Variants in PCDH9 observed in about 807,000 individuals in gnomAD.
PCDH9 encodes the protein protocadherin 9.
Under a neutral mutation model 70.6 loss-of-function variants are expected in PCDH9, and 24 were observed. That is an observed-to-expected ratio of 0.34 (90% CI 0.25 to 0.48). The LOEUF is 0.48. Among genes scored for constraint, PCDH9 ranks in the 20% least tolerant of loss-of-function variants. The pLI is 0.99. For synonymous variants in PCDH9, 562 were observed against 558.5 expected (o/e 1.01, Z -0.09); for missense variants, 1,281 against 1,503.6 (o/e 0.85, Z 2.45).
chr13:67,144,723 G>C (rs1258626747), intron 2 of PCDH9, among the ~76,000 whole-genome samples: 1 of 152,048 alleles, frequency 6.6e-6, no homozygotes, highest in African/African-American at 2.4e-5. Context: ...TCCACTTAAC[G>C]TTTTAAAGCT....
intron 4 of PCDH9, among the ~76,000 whole-genome samples, chr13:66,580,894 G>T (rs1411924749): frequency 6.6e-6 from 1 of 152,098 alleles, no homozygotes; most frequent in African/African-American, 2.4e-5. Flanking sequence ...GAAGATAGAA[G>T]TAACTATGAA....
In PCDH9 at chr13:66,877,350, C is replaced by A. The variant is rs1274860872; in HGVS notation, c.3138+26154G>T. Among the ~76,000 whole-genome samples the A allele has an allele frequency of 2.7e-5, 4 of 149,644 alleles. No homozygotes were observed. The South Asian group carries it at 8.4e-4, about 31-fold the overall frequency. ...TAAAATATATATATAATGTGACTAC[C>A]ATTGGATTACTTTCTCTCCTAGAAG... On this transcript the variant is annotated intron_variant, in intron 3 of 4. Transcript: ENST00000377865.
In PCDH9 at chr13:67,225,764, C is replaced by T. The variant is rs751978162; in HGVS notation, c.2677G>A (p.Asp893Asn). The change falls in exon 2 of 5, where the codon GAT becomes AAT. Residue 893 changes from aspartate (D) to asparagine (N), a missense_variant. Transcript: ENST00000377865. ...NFVTIEESKP[D>N]DAVHEPINGT... ...TTGATAGGTTCATGAACTGCATCAT[C>T]GGGTTTGGACTCTTCGATAGTAACA... 1.9e-6 allele frequency: 3 copies of T among 1,613,938 alleles called. No homozygotes were observed. The highest frequency in any genetic ancestry group is 1.3e-5 in the African/African-American group (1 of 74,928).
chr13:67,060,625 A>G (rs1459605083), intron 2 of PCDH9, among the ~76,000 whole-genome samples: 2 of 152,050 alleles, frequency 1.3e-5, no homozygotes, highest in Admixed American at 6.6e-5. Flanking sequence ...TCACCATATA[A>G]TAGAAATACG....
chr13:66,682,235 T>C (rs926042434), intron 3 of PCDH9, among the ~76,000 whole-genome samples: 10 of 152,052 alleles, frequency 6.6e-5, no homozygotes, highest in African/African-American at 9.7e-5. Context: ...TGTTTATGTA[T>C]TGTGGCCCTT....
chr13:66,486,393 G>C (rs1405573779), intron 4 of PCDH9, among the ~76,000 whole-genome samples: 1 of 152,028 alleles, frequency 6.6e-6, no homozygotes, highest in Non-Finnish European at 1.5e-5. Context: ...GGAGGTCAAG[G>C]CTTCGGTGAG....
chr13:66,795,714 C>T (rs2139328586), intron 3 of PCDH9, among the ~76,000 whole-genome samples: 1 of 152,182 alleles, frequency 6.6e-6, no homozygotes, highest in Non-Finnish European at 1.5e-5. Flanking sequence ...AAATGTTTTG[C>T]AAAGATGGTA....
chr13:66,375,468 T>G (rs573189466), intron 4 of PCDH9, among the ~76,000 whole-genome samples: 66 of 152,246 alleles, frequency 4.3e-4, no homozygotes, highest in Non-Finnish European at 7.9e-4. Flanking sequence ...CCATTCTCAA[T>G]CATTATAGGT....
chr13:66,779,873 A>ATATATATGTGTGTG (rs375882917), intron 3 of PCDH9, among the ~76,000 whole-genome samples: 9 of 115,878 alleles, frequency 7.8e-5, no homozygotes, highest in African/African-American at 2.4e-4. Flanking sequence ...ATATACATAT[A>ATATATATGTGTGTG]TGTGTGTGTG....
chr13:67,153,484 A>G (rs1438208994), intron 2 of PCDH9, among the ~76,000 whole-genome samples: 1 of 152,168 alleles, frequency 6.6e-6, no homozygotes, highest in East Asian at 1.9e-4. Context: ...CATTTTAAAA[A>G]CAAGTATCTT....
chr13:66,456,529 G>C (rs1270797814), intron 4 of PCDH9, among the ~76,000 whole-genome samples: 2 of 151,934 alleles, frequency 1.3e-5, no homozygotes, highest in Non-Finnish European at 2.9e-5. Flanking sequence ...TAAATTGCAG[G>C]GATTACAGGC....
chr13:66,549,104 C>T (rs1961351037), intron 4 of PCDH9, among the ~76,000 whole-genome samples: 1 of 151,838 alleles, frequency 6.6e-6, no homozygotes, highest in Non-Finnish European at 1.5e-5. Context: ...CATATGTTTC[C>T]AAGGTAGCTT....
chr13:66,828,424 T>C (rs140019996), intron 3 of PCDH9, among the ~76,000 whole-genome samples: 357 of 152,316 alleles, frequency 2.3e-3, no homozygotes, highest in Admixed American at 3.5e-3. Flanking sequence ...ATACTAGATT[T>C]ACCCCCACTT....
intron 3 of PCDH9, among the ~76,000 whole-genome samples, chr13:66,818,937 A>AGAAAAAC (rs1555271996): frequency 6.8e-6 from 1 of 146,496 alleles, no homozygotes; most frequent in Non-Finnish European, 1.5e-5. Flanking sequence ...CCCGTCTCAA[A>AGAAAAAC]AAAAAACAAA....
intron 2 of PCDH9, among the ~76,000 whole-genome samples, chr13:67,145,448 C>A (rs1040375233): frequency 6.6e-6 from 1 of 151,856 alleles, no homozygotes; most frequent in Admixed American, 6.6e-5. Flanking sequence ...ACCACAGAAG[C>A]TCAAGAGTCT....
chr13:66,333,048 T>C (rs1176672583), intron 4 of PCDH9, among the ~76,000 whole-genome samples: 1 of 152,110 alleles, frequency 6.6e-6, no homozygotes, highest in Non-Finnish European at 1.5e-5. Flanking sequence ...CATTTACAAC[T>C]GCAAAGACTT....
intron 4 of PCDH9, among the ~76,000 whole-genome samples, chr13:66,375,604 T>A (rs1025674680): frequency 6.6e-6 from 1 of 152,156 alleles, no homozygotes; most frequent in Non-Finnish European, 1.5e-5. Flanking sequence ...TATTTCTTAC[T>A]GGCTGGTAAT....
intron 3 of PCDH9, among the ~76,000 whole-genome samples, chr13:66,759,126 T>C (rs2079582887): frequency 6.6e-6 from 1 of 152,082 alleles, no homozygotes; most frequent in South Asian, 2.1e-4. Flanking sequence ...TTTTCTCTGA[T>C]CTTTACTGCT....
intron 3 of PCDH9, among the ~76,000 whole-genome samples, chr13:66,708,884 C>T (rs564515194): frequency 6.6e-6 from 1 of 152,182 alleles, no homozygotes; most frequent in African/African-American, 2.4e-5. Flanking sequence ...TGCCCCCAAC[C>T]AAATCTTCAG....
Sources: allele counts gnomAD v4.1 joint callset (sites outside exome capture counted in the v4.1 genomes callset), GRCh38; gene constraint gnomAD v4.1.1; transcripts MANE v1.5; gene names NCBI Gene and HGNC (gene_info 2026-07-23, HGNC 2026-07-21).